RAMP1: variants seen among roughly 807,000 people sequenced by gnomAD.
RAMP1 encodes receptor activity modifying protein 1.
In RAMP1, 7 loss-of-function variants were observed where a neutral mutation model predicts 8.2. The ratio of observed to expected loss-of-function variants is 0.85; its 90% confidence interval spans 0.49 to 1.60. RAMP1 has a LOEUF of 1.60. RAMP1 is among the 40% of genes most tolerant of loss of function. The pLI is 0.00. For synonymous variants in RAMP1, 92 were observed against 84.7 expected, an observed-to-expected ratio of 1.09 and a Z score of -0.47; for missense variants, 192 against 202.4, an observed-to-expected ratio of 0.95 and a Z score of 0.31.
rs1306466755 is a variant in RAMP1 at position 237,862,856 on chromosome 2, G to A, written c.52+3129G>A. Reference sequence around the variant, plus strand: ...ACAGTCAGTGTTCTGCTGGAACCACGGGGAAAAGCTGCGTCTTTCCTCCAG... The same window carrying A: ...ACAGTCAGTGTTCTGCTGGAACCACAGGGAAAAGCTGCGTCTTTCCTCCAG... On this transcript the variant is annotated intron_variant, in intron 1 of 2. Transcript: ENST00000254661. The surrounding 1 kb of genome is among the most constrained non-coding windows in gnomAD (Gnocchi z 4.0). Among the ~76,000 whole-genome samples the A allele has an allele frequency of 1.3e-5, 2 of 152,194 alleles. No individual in the cohort carries two copies. Among genetic ancestry groups the A allele is most frequent in the African/African-American group, 2.4e-5 (1 of 41,438 alleles).
chr2:237,890,937 G>GT (rs1414103505), intron 2 of RAMP1, among the ~76,000 whole-genome samples: 4 of 151,964 alleles, frequency 2.6e-5, no homozygotes, highest in South Asian at 2.1e-4. Context: ...TCTTTTCTCA[G>GT]TTTTTTTGCT....
chr2:237,897,436 C>T (rs1051313855), intron 2 of RAMP1, among the ~76,000 whole-genome samples: 3 of 152,232 alleles, frequency 2.0e-5, no homozygotes, highest in African/African-American at 7.2e-5. Context: ...GCCTCCTCCA[C>T]AGCAGCGAGA....
At chr2:237,899,503 T>C (rs920831000) in intron 2 of RAMP1, among the ~76,000 whole-genome samples, 5 of 152,228 alleles carry the variant, frequency 3.3e-5, no homozygotes, top group African/African-American at 1.2e-4. Context: ...TGACGGTACA[T>C]TTTTTTCCCA....
chr2:237,876,046 T>C (rs2062299751), intron 1 of RAMP1, among the ~76,000 whole-genome samples: 2 of 152,070 alleles, frequency 1.3e-5, no homozygotes, highest in South Asian at 2.1e-4. Flanking sequence ...CATCCGTAAA[T>C]TGCTGATCGC....
chr2:237,870,425 C>T (rs1296122662), intron 1 of RAMP1, among the ~76,000 whole-genome samples: 1 of 152,232 alleles, frequency 6.6e-6, no homozygotes, highest in Non-Finnish European at 1.5e-5. Context: ...TGCTGCTCAC[C>T]CGCCTTTCTG....
At chr2:237,859,291 G>T (rs2062107902), upstream of RAMP1, among the ~76,000 whole-genome samples, 1 of 152,218 alleles carries the variant, frequency 6.6e-6, no homozygotes, top group African/African-American at 2.4e-5. Context: ...CAGAACCTCG[G>T]AGGAGGAGGA....
rs1028323509 is a variant in RAMP1, at chr2:237,877,226, C to T, written c.55C>T (p.His19Tyr). 2.5e-6 allele frequency: 4 copies of T among 1,613,806 alleles called. No individual in the cohort carries two copies. In the African/African-American group the frequency reaches 5.3e-5, roughly 22 times the overall value. Residue 19 changes from histidine (H) to tyrosine (Y), a missense_variant and splice_region_variant, in exon 2 of 3, where the codon CAT (histidine) becomes TAT (tyrosine). Physicochemically the swap from His to Tyr is moderately conservative, Grantham distance 83. Transcript: ENST00000254661. This position sits in a 1 kb window ranked among gnomAD's most constrained non-coding sequence, Gnocchi z 4.4. ...CTTCATGGCCGTGTCTATTTCAGCC[C>T]ATCACCTCTTCATGACCACTGCCTG... is the stretch of plus-strand genomic sequence containing the variant. ...PRRGLWLLLA[H>Y]HLFMTTACQE...
chr2:237,874,152 A>T (rs1212770272), intron 1 of RAMP1, among the ~76,000 whole-genome samples: 1 of 152,246 alleles, frequency 6.6e-6, no homozygotes, highest in African/African-American at 2.4e-5. Context: ...AGGGGATTGC[A>T]TGGGTGGTGG....
chr2:237,899,130 G>T (rs555515509), intron 2 of RAMP1, among the ~76,000 whole-genome samples: 6 of 152,068 alleles, frequency 3.9e-5, no homozygotes, highest in African/African-American at 1.4e-4. Context: ...GAGTGCAGTG[G>T]CATGATCTCC....
intron 2 of RAMP1, among the ~76,000 whole-genome samples, chr2:237,909,164 G>T (rs1057150862): frequency 6.6e-6 from 1 of 152,150 alleles, no homozygotes; most frequent in Admixed American, 6.5e-5. Context: ...ACCCAGACAA[G>T]GAAGTGTCCA....
intron 1 of RAMP1, among the ~76,000 whole-genome samples, chr2:237,860,994 T>C (rs1016567696): frequency 6.6e-6 from 1 of 152,238 alleles, no homozygotes; most frequent in Non-Finnish European, 1.5e-5. Flanking sequence ...CTCGCAGTAA[T>C]TTTATTCTCT....
intron 2 of RAMP1, among the ~76,000 whole-genome samples, chr2:237,891,220 G>A (rs1175062849): frequency 6.6e-5 from 10 of 150,834 alleles, no homozygotes; most frequent in African/African-American, 1.5e-4. Flanking sequence ...GCATGGTCTC[G>A]GCTCACTGCA....
intron 1 of RAMP1, among the ~76,000 whole-genome samples, chr2:237,863,207 G>C (rs544213528): frequency 1.8e-5 from 2 of 113,622 alleles, no homozygotes; most frequent in East Asian, 3.9e-4. Flanking sequence ...GGACAGGGGA[G>C]CCCGGGCTAC....
Position 237,878,829 on chromosome 2 carries a change from G to A in RAMP1, c.191+1467G>A, listed in dbSNP as rs1036910906. 3.9e-5 allele frequency among the ~76,000 whole-genome samples: 6 copies of A among 152,322 alleles called. No individual in the cohort carries two copies. The highest frequency in any genetic ancestry group is 8.8e-5 in the Non-Finnish European group (6 of 68,026). On this transcript the variant is annotated intron_variant, in intron 2 of 2. Coordinates refer to ENST00000254661, the MANE Select transcript of RAMP1 (RefSeq NM_005855.4). This position sits in a 1 kb window ranked among gnomAD's most constrained non-coding sequence, Gnocchi z 5.7. Reference sequence around the variant, plus strand: ...TGGGATTTAAAACAACAGAAACTCCGTACCCTCTGCTCCAGTTCAGGTGGG... The same window carrying A: ...TGGGATTTAAAACAACAGAAACTCCATACCCTCTGCTCCAGTTCAGGTGGG...
intron 2 of RAMP1, among the ~76,000 whole-genome samples, chr2:237,881,343 A>G (rs2062365817): frequency 6.6e-6 from 1 of 152,232 alleles, no homozygotes; most frequent in African/African-American, 2.4e-5. Flanking sequence ...AGAGGCACTT[A>G]GGTTGTGGCC....
At chr2:237,900,662 C>A (rs369594663) in intron 2 of RAMP1, among the ~76,000 whole-genome samples, 15 of 151,966 alleles carry the variant, frequency 9.9e-5, no homozygotes, top group Admixed American at 2.0e-4. Flanking sequence ...TATAGTATTG[C>A]CGATCTTGTT....
intron 2 of RAMP1, among the ~76,000 whole-genome samples, chr2:237,897,158 G>A (rs762094798): frequency 1.1e-4 from 16 of 152,200 alleles, no homozygotes; most frequent in African/African-American, 3.4e-4. Context: ...ATGCAACCAC[G>A]GGCCCCGCCT....
intron 1 of RAMP1, among the ~76,000 whole-genome samples, chr2:237,874,165 G>C (rs2062275472): frequency 6.6e-6 from 1 of 152,274 alleles, no homozygotes; most frequent in Non-Finnish European, 1.5e-5. Flanking sequence ...GGTGGTGGAA[G>C]CTAGAACTGG....
chr2:237,897,490 C>T (rs559112898), intron 2 of RAMP1, among the ~76,000 whole-genome samples: 1 of 152,354 alleles, frequency 6.6e-6, no homozygotes, highest in African/African-American at 2.4e-5. Context: ...TTTCCTTGAA[C>T]CCTCCCAAGA....
Sources: allele counts gnomAD v4.1 joint callset (sites outside exome capture counted in the v4.1 genomes callset), GRCh38; gene constraint gnomAD v4.1.1; non-coding constraint Gnocchi (gnomAD v3.1); transcripts MANE v1.5; gene names NCBI Gene and HGNC (gene_info 2026-07-23, HGNC 2026-07-21).